UNC13C: variants seen among roughly 807,000 people sequenced by gnomAD.
UNC13C encodes protein unc-13 homolog C.
UNC13C carries 174 observed loss-of-function variants against 245.4 expected under a neutral mutation model. The ratio of observed to expected loss-of-function variants is 0.71; its 90% CI spans 0.63 to 0.80. The LOEUF (loss-of-function observed/expected upper bound fraction) is 0.80, where lower values mean the gene tolerates loss of function less well. Ranked by LOEUF, UNC13C falls within the 30% of genes least tolerant of loss-of-function variation. The pLI, the probability that UNC13C is intolerant of heterozygous loss-of-function variation, is 0.00. For synonymous variants in UNC13C, 992 were observed against 895.1 expected (o/e 1.11, Z -1.93); for missense variants, 2,829 against 2,602.9 (o/e 1.09, Z -1.89).
chr15:54,346,034 C>T (rs11633514), intron 17 of UNC13C, among the ~76,000 whole-genome samples: 9,719 of 152,192 alleles, frequency 0.064, 388 homozygotes, highest in Admixed American at 0.11. Context: ...TTTGGTGTTT[C>T]GGTTCTCTAT....
chr15:54,216,118 A>G (rs1339973162), intron 4 of UNC13C, among the ~76,000 whole-genome samples: 1 of 151,904 alleles, frequency 6.6e-6, no homozygotes, highest in African/African-American at 2.4e-5. Flanking sequence ...AGGAAAGTGG[A>G]CAAGATTGGA....
Position 54,623,443 on chromosome 15 carries a change from A to G in UNC13C, c.6200-352A>G, listed in dbSNP as rs554428929. On this transcript the variant is annotated intron_variant, in intron 31 of 32. Transcript: ENST00000260323. ...CATACAATCCAAAATATTGTCATTG[A>G]CTGGTAAATTTATAGATTTTATCTA... 7.2e-5 allele frequency among the ~76,000 whole-genome samples: 11 copies of G among 152,322 alleles called. No individual in the cohort carries two copies. The South Asian group carries it at 1.9e-3, about 26-fold the overall frequency.
At chr15:54,261,498 A>G (rs1434655836) in intron 8 of UNC13C, among the ~76,000 whole-genome samples, 1 of 151,822 alleles carries the variant, frequency 6.6e-6, no homozygotes, top group Non-Finnish European at 1.5e-5. Flanking sequence ...CTGATCAAAA[A>G]TGCAAAAGTA....
chr15:54,580,681 G>A (rs1047745164), intron 30 of UNC13C, among the ~76,000 whole-genome samples: 2 of 152,196 alleles, frequency 1.3e-5, no homozygotes, highest in African/African-American at 4.8e-5. Flanking sequence ...CCCCATAAAT[G>A]TTCATCATTC....
chr15:54,048,810 C>T, intron 2 of UNC13C: 1 of 241,382 alleles, frequency 4.1e-6, no homozygotes, highest in South Asian at 5.7e-5. Flanking sequence ...TACCTGATTT[C>T]CAACAAAACT....
chr15:54,226,115 T>C (rs145989136), intron 4 of UNC13C, among the ~76,000 whole-genome samples: 368 of 152,328 alleles, frequency 2.4e-3, no homozygotes, highest in African/African-American at 8.4e-3. Flanking sequence ...CATTTATTGA[T>C]TTGTGTATGT....
Position 54,014,694 on chromosome 15 carries a change from G to C in UNC13C, c.1791G>C (p.Leu597=), listed in dbSNP as rs772271976. The C allele has an allele frequency of 6.2e-7, 1 of 1,613,766 alleles. No homozygotes were observed. The highest frequency in any genetic ancestry group is 8.5e-7 in the Non-Finnish European group (1 of 1,179,852). Residue 597 remains leucine, a synonymous_variant, in exon 2 of 33, where the codon CTG becomes CTC. Coordinates refer to ENST00000260323, the MANE Select transcript of UNC13C (RefSeq NM_001080534.3). ...GGAAACAGGAAGGAACAGCGACCCT[G>C]TATGACAGTCCCAAGGACCAGCATT... is the stretch of plus-strand genomic sequence containing the variant. ...WQRKQEGTAT[L]YDSPKDQHLN...
At chr15:53,961,038 GA>G in the UNC13C span, among the ~76,000 whole-genome samples, 2 of 152,204 alleles carry the variant, frequency 1.3e-5, no homozygotes, top group East Asian at 1.9e-4. Context: ...AAAATGGATA[GA>G]GGGGCAAAAT....
chr15:54,017,139 A>G (rs975372210), intron 2 of UNC13C, among the ~76,000 whole-genome samples: 3 of 152,176 alleles, frequency 2.0e-5, no homozygotes, highest in African/African-American at 7.2e-5. Flanking sequence ...TTATAAAACA[A>G]CACAGTTTAT....
intron 19 of UNC13C, among the ~76,000 whole-genome samples, chr15:54,466,340 C>A (rs1202092221): frequency 6.6e-6 from 1 of 151,832 alleles, no homozygotes; most frequent in East Asian, 1.9e-4. Context: ...AATTTCAGAA[C>A]ACAAAAGAAC....
At chr15:54,049,764 C>T in intron 2 of UNC13C, 1 of 253,254 alleles carries the variant, frequency 3.9e-6, no homozygotes, top group African/African-American at 2.3e-5. Flanking sequence ...ATGAAATAAT[C>T]CAATAGCAAA....
At chr15:53,843,370 G>C in the UNC13C span, among the ~76,000 whole-genome samples, 1 of 152,050 alleles carries the variant, frequency 6.6e-6, no homozygotes, top group East Asian at 1.9e-4. Flanking sequence ...TTGCTTGTGG[G>C]AGGACTGCTT....
At chr15:54,525,133 T>C (rs1895389315) in intron 24 of UNC13C, among the ~76,000 whole-genome samples, 2 of 152,222 alleles carry the variant, frequency 1.3e-5, no homozygotes, top group African/African-American at 2.4e-5. Context: ...ACTTTTATTC[T>C]TAATGTGCCT....
chr15:54,190,862 G>C (rs949412791), intron 4 of UNC13C, among the ~76,000 whole-genome samples: 2 of 151,866 alleles, frequency 1.3e-5, no homozygotes, highest in Admixed American at 1.3e-4. Flanking sequence ...TTTATAATCT[G>C]TTTTGTTCTC....
chr15:54,241,935 G>A (rs2035864242), intron 7 of UNC13C, among the ~76,000 whole-genome samples: 2 of 152,300 alleles, frequency 1.3e-5, no homozygotes, highest in African/African-American at 2.4e-5. Flanking sequence ...TGTTGGTTCT[G>A]TTATTCTTCA....
the UNC13C span, among the ~76,000 whole-genome samples, chr15:53,867,035 A>C: frequency 6.6e-6 from 1 of 152,230 alleles, no homozygotes; most frequent in Non-Finnish European, 1.5e-5. Flanking sequence ...ATGAAGTTCA[A>C]CATCCATTTC....
the UNC13C span, among the ~76,000 whole-genome samples, chr15:53,871,778 A>C: frequency 1.3e-5 from 2 of 152,156 alleles, no homozygotes; most frequent in Non-Finnish European, 2.9e-5. Context: ...TAGCATCTTG[A>C]TTGAAGCAAG....
At chr15:54,260,332 T>C (rs1322684357) in intron 8 of UNC13C, among the ~76,000 whole-genome samples, 2 of 151,946 alleles carry the variant, frequency 1.3e-5, no homozygotes, top group Admixed American at 1.3e-4. Context: ...GGAGAGAAAA[T>C]GTGACTGTTG....
intron 2 of UNC13C, among the ~76,000 whole-genome samples, chr15:54,117,591 C>T (rs1414123947): frequency 6.6e-6 from 1 of 150,978 alleles, no homozygotes; most frequent in East Asian, 2.0e-4. Flanking sequence ...CTAGCTCTCT[C>T]TCTATTTACA....
Sources: allele counts gnomAD v4.1 joint callset (sites outside exome capture counted in the v4.1 genomes callset), GRCh38; gene constraint gnomAD v4.1.1; transcripts MANE v1.5; gene names NCBI Gene and HGNC (gene_info 2026-07-23, HGNC 2026-07-21).